The following FSHR variants were observed in gnomAD, a reference collection of about 807,000 sequenced individuals.
FSHR encodes follicle stimulating hormone receptor, also known as follicle-stimulating hormone receptor.
A neutral mutation model predicts 52.1 loss-of-function variants in FSHR; 46 were observed. The observed-to-expected ratio is 0.88, with a 90% CI of 0.70 to 1.13. The LOEUF is 1.13. Among genes scored for constraint, FSHR ranks in the 50% most tolerant of loss-of-function variants. The pLI is 0.00. For missense variants in FSHR, 964 were observed against 834.6 expected (o/e 1.16, Z -1.91); for synonymous variants, 399 against 309.6 (o/e 1.29, Z -3.03).
intron 2 of FSHR, among the ~76,000 whole-genome samples, chr2:49,057,182 G>A (rs954471152): frequency 6.6e-6 from 1 of 151,910 alleles, no homozygotes. Context: ...AGAAATAAAT[G>A]AAATTAACAC....
At chr2:49,002,424 A>T (rs1666928716) in intron 4 of FSHR, among the ~76,000 whole-genome samples, 1 of 152,038 alleles carries the variant, frequency 6.6e-6, no homozygotes, top group Non-Finnish European at 1.5e-5. Context: ...CTATGAAGAA[A>T]TGCCTGAGAT....
chr2:49,020,278 C>T (rs1026277161), intron 2 of FSHR, 118 bp from the exon 3 acceptor site: 11 of 874,398 alleles, frequency 1.3e-5, no homozygotes, highest in African/African-American at 3.3e-5. Context: ...AACTCCTTTC[C>T]TGCCATTAAA....
chr2:49,013,405 C>T (rs186636743), intron 4 of FSHR, among the ~76,000 whole-genome samples: 1 of 145,928 alleles, frequency 6.9e-6, no homozygotes, highest in African/African-American at 2.5e-5. Context: ...GGTGATCCCT[C>T]TTAGCAGTTT....
At chr2:48,964,031 CTT>C (rs767941763) in intron 9 of FSHR, 65 bp from the exon 10 acceptor site, 73 of 1,490,270 alleles carry the variant, frequency 4.9e-5, no homozygotes, top group Non-Finnish European at 6.7e-5. Flanking sequence ...ACATCACTGT[CTT>C]TGTGCAGGGT....
chr2:48,963,787 G>T lies in FSHR; in HGVS notation c.1034C>A (p.Thr345Asn). 1 of 1,614,110 alleles carries T rather than the reference G, an allele frequency of 6.2e-7. No homozygotes were observed. Among genetic ancestry groups the T allele is most frequent in the Non-Finnish European group, 8.5e-7 (1 of 1,179,996 alleles). The change falls in exon 10 of 10, where the codon ACC becomes AAC. Residue 345 changes from threonine (T) to asparagine (N), a missense_variant. Transcript: ENST00000406846. Reference sequence around the variant, plus strand: ...GAATGCATCTGGCTTAGGGGAGCAGGTCACGTCAACCACTTCATTGCATAA... The same window carrying T: ...GAATGCATCTGGCTTAGGGGAGCAGTTCACGTCAACCACTTCATTGCATAA... ...YDLCNEVVDV[T>N]CSPKPDAFNP...
At position 49,077,129 on chromosome 2, in the gene FSHR, G is replaced by T. The variant is rs180734384; in HGVS notation, c.153-8839C>A. The stretch of plus-strand genomic sequence containing the variant: ...CCACCACATATTTCCCTTCCATACT[G>T]CCCTAGCAGAGGCTCTCCACAAGGG... On this transcript the variant is annotated intron_variant, in intron 1 of 9. Coordinates refer to ENST00000406846, the MANE Select transcript of FSHR (RefSeq NM_000145.4). Among the ~76,000 whole-genome samples, 616 of 152,304 alleles carry T rather than the reference G, an allele frequency of 4.0e-3. 8 individuals carry two copies. Among genetic ancestry groups the T allele is most frequent in the African/African-American group, 0.014 (568 of 41,570 alleles).
intron 1 of FSHR, among the ~76,000 whole-genome samples, chr2:49,130,762 T>C (rs2103809924): frequency 6.6e-6 from 1 of 152,316 alleles, no homozygotes; most frequent in East Asian, 1.9e-4. Flanking sequence ...TGCTCTGAAA[T>C]GTACTTCTGA....
intron 1 of FSHR, among the ~76,000 whole-genome samples, chr2:49,131,176 A>C (rs1362916072): frequency 1.3e-5 from 2 of 152,230 alleles, no homozygotes; most frequent in African/African-American, 2.4e-5. Context: ...GGTAATATTT[A>C]TTATTTATAC....
intron 6 of FSHR, among the ~76,000 whole-genome samples, chr2:48,987,837 A>AAGAC (rs370842104): frequency 4.1e-5 from 6 of 146,040 alleles, no homozygotes; most frequent in African/African-American, 1.5e-4. Flanking sequence ...ACCTCATCTC[A>AAGAC]ACACACACAC....
At chr2:49,061,139 C>T (rs746202531) in intron 2 of FSHR, among the ~76,000 whole-genome samples, 3 of 152,068 alleles carry the variant, frequency 2.0e-5, no homozygotes, top group Non-Finnish European at 4.4e-5. Context: ...GGGGGTGCCT[C>T]AGAGTCACAA....
chr2:49,118,081 A>T (rs1032223631), intron 1 of FSHR, among the ~76,000 whole-genome samples: 2 of 152,198 alleles, frequency 1.3e-5, no homozygotes, highest in Admixed American at 6.5e-5. Flanking sequence ...GCTCTGAGGC[A>T]TCTCTTTGAA....
Position 49,020,119 on chromosome 2 carries a change from T to A in FSHR, c.266A>T (p.Asp89Val). The change falls in exon 3 of 10, where the codon GAT becomes GTT. Residue 89 changes from aspartate (D) to valine (V), a missense_variant. Transcript: ENST00000406846. The stretch of plus-strand genomic sequence containing the variant: ...TAATTTGGGAAGGTTGGAGAACACA[T>A]CTGCCTCTATCACCTCCAAGACATC... Reference protein sequence around the residue: ...QNDVLEVIEADVFSNLPKLHE... With the variant: ...QNDVLEVIEAVVFSNLPKLHE... 1 of 1,613,742 alleles carries A rather than the reference T, an allele frequency of 6.2e-7. No individual in the cohort carries two copies. Among genetic ancestry groups the A allele is most frequent in the Middle Eastern group, 1.7e-4 (1 of 6,060 alleles).
chr2:49,004,590 T>C (rs1403975560), intron 4 of FSHR, among the ~76,000 whole-genome samples: 1 of 152,184 alleles, frequency 6.6e-6, no homozygotes. Context: ...GATTTTCTAT[T>C]TTCCTCATTT....
intron 2 of FSHR, among the ~76,000 whole-genome samples, chr2:49,026,252 G>A (rs544262075): frequency 6.6e-6 from 1 of 152,202 alleles, no homozygotes; most frequent in South Asian, 2.1e-4. Flanking sequence ...TCATTTTTAG[G>A]TTTACCTTAA....
At chr2:49,021,886 T>TAGAGAGAG (rs58926557) in intron 2 of FSHR, among the ~76,000 whole-genome samples, 62 of 25,060 alleles carry the variant, frequency 2.5e-3, no homozygotes, top group Admixed American at 2.8e-3. Context: ...TATATATATA[T>TAGAGAGAG]AGAGAGAGAG....
intron 1 of FSHR, among the ~76,000 whole-genome samples, chr2:49,088,567 C>T (rs932885793): frequency 2.0e-5 from 3 of 152,184 alleles, no homozygotes; most frequent in African/African-American, 7.2e-5. Context: ...ACTGTAGTTT[C>T]AGGCAGAATG....
At chr2:48,972,168 A>G (rs943913829) in intron 8 of FSHR, among the ~76,000 whole-genome samples, 2 of 152,168 alleles carry the variant, frequency 1.3e-5, no homozygotes, top group African/African-American at 4.8e-5. Context: ...CCACCTTTCC[A>G]GTTGTTCATG....
chr2:49,152,262 T>C (rs1254830870), intron 1 of FSHR, among the ~76,000 whole-genome samples: 1 of 152,118 alleles, frequency 6.6e-6, no homozygotes, highest in Non-Finnish European at 1.5e-5. Context: ...AATGTGAAAT[T>C]TGTTTCTGGT....
At chr2:49,016,778 GATT>G in intron 4 of FSHR, among the ~76,000 whole-genome samples, 1 of 134,522 alleles carries the variant, frequency 7.4e-6, no homozygotes, top group South Asian at 2.5e-4. Context: ...GATATTCAAG[GATT>G]ATTATTTCCA....
Sources: gnomAD v4.1 joint callset for allele counts (sites outside exome capture counted in the v4.1 genomes callset) on GRCh38, gnomAD v4.1.1 for gene constraint, MANE v1.5 for transcripts, NCBI Gene and HGNC (gene_info 2026-07-23, HGNC 2026-07-21) for gene names.